The following EZH2 variants were observed in gnomAD, a reference collection of about 807,000 sequenced individuals.
EZH2 encodes the protein enhancer of zeste 2 polycomb repressive complex 2 subunit.
A neutral mutation model predicts 98.4 loss-of-function variants in EZH2; 18 were observed. The observed-to-expected ratio is 0.18, with a 90% CI of 0.13 to 0.27. EZH2 has a LOEUF of 0.27. Ranked by LOEUF, EZH2 falls within the 10% of genes least tolerant of loss-of-function variation. The probability of loss-of-function intolerance (pLI) is 1.00; values close to 1 mark genes in which losing one functional copy is unlikely to be tolerated. For synonymous variants in EZH2, 338 were observed against 312.3 expected (o/e 1.08, Z -0.87); for missense variants, 470 against 935.1 (o/e 0.50, Z 6.49).
At chr7:148,865,898 G>A (rs563301607) in intron 1 of EZH2, among the ~76,000 whole-genome samples, 304 of 152,216 alleles carry the variant, frequency 2.0e-3, no homozygotes, top group African/African-American at 7.1e-3. Flanking sequence ...CAATTTTTGA[G>A]TTCTGTATAT....
intron 1 of EZH2, among the ~76,000 whole-genome samples, chr7:148,880,067 TTC>T (rs1341887252): frequency 6.6e-6 from 1 of 152,236 alleles, no homozygotes; most frequent in Non-Finnish European, 1.5e-5. Flanking sequence ...TATGATCTTG[TTC>T]TGTCTTGCTA....
intron 3 of EZH2, among the ~76,000 whole-genome samples, chr7:148,840,400 T>A (rs1279436264): frequency 6.6e-6 from 1 of 151,582 alleles, no homozygotes; most frequent in Non-Finnish European, 1.5e-5. Context: ...ATGGAAAGGA[T>A]GTATATCTGG....
At chr7:148,813,703 A>T (rs1803806651) in intron 15 of EZH2, among the ~76,000 whole-genome samples, 1 of 152,020 alleles carries the variant, frequency 6.6e-6, no homozygotes, top group Non-Finnish European at 1.5e-5. Context: ...TTATTCCTAA[A>T]TCTGATACCA....
At chr7:148,838,244 T>C (rs1811423708) in intron 3 of EZH2, among the ~76,000 whole-genome samples, 1 of 152,024 alleles carries the variant, frequency 6.6e-6, no homozygotes, top group South Asian at 2.1e-4. Flanking sequence ...AATTTTTTTA[T>C]TTTTTATTGA....
chr7:148,849,393 A>C (rs954696697), intron 1 of EZH2, among the ~76,000 whole-genome samples: 1 of 152,232 alleles, frequency 6.6e-6, no homozygotes, highest in South Asian at 2.1e-4. Flanking sequence ...CAGACATTTA[A>C]TAAGAATGGA....
chr7:148,882,041 A>G (rs971911421), intron 1 of EZH2, among the ~76,000 whole-genome samples: 2 of 151,986 alleles, frequency 1.3e-5, no homozygotes, highest in African/African-American at 2.4e-5. Context: ...AAAAATCTGC[A>G]TAACTACCTT....
intron 9 of EZH2, among the ~76,000 whole-genome samples, chr7:148,819,322 CTT>C (rs1584946416): frequency 6.6e-6 from 1 of 152,134 alleles, no homozygotes; most frequent in African/African-American, 2.4e-5. Context: ...CTCTCATAGA[CTT>C]TGTGGAAGGC....
chr7:148,855,172 A>C (rs899171206), intron 1 of EZH2, among the ~76,000 whole-genome samples: 1 of 152,242 alleles, frequency 6.6e-6, no homozygotes, highest in Non-Finnish European at 1.5e-5. Flanking sequence ...TGTGTCCATA[A>C]GGATTATTGG....
At chr7:148,857,620 G>A (rs549051010) in intron 1 of EZH2, among the ~76,000 whole-genome samples, 67 of 152,106 alleles carry the variant, frequency 4.4e-4, no homozygotes, top group Middle Eastern at 3.4e-3. Context: ...GCATGATGGC[G>A]AGCACCTGTA....
chr7:148,879,252 A>C (rs940211347), intron 1 of EZH2, among the ~76,000 whole-genome samples: 1 of 146,740 alleles, frequency 6.8e-6, no homozygotes, highest in African/African-American at 2.7e-5. Flanking sequence ...AACAAAAAAC[A>C]AAAACAAAAA....
In EZH2 at chr7:148,819,705, CAAA is replaced by C. The variant is rs1805474936; in HGVS notation, c.908-21_908-19del. 17 of 1,605,196 alleles carry C rather than the reference CAAA, an allele frequency of 1.1e-5. No homozygotes were observed. The highest frequency in any genetic ancestry group is 1.3e-5 in the African/African-American group (1 of 74,732). ...ATGAAAAGCTGCAAAATAAATGAAA[CAAA>C]GAATCTAATATAACTATAAAATACT... On this transcript the variant is annotated intron_variant, in intron 8 of 19. Coordinates refer to ENST00000320356, the MANE Select transcript of EZH2 (RefSeq NM_004456.5).
intron 1 of EZH2, among the ~76,000 whole-genome samples, chr7:148,878,897 C>CA (rs1336074463): frequency 6.8e-6 from 1 of 146,486 alleles, no homozygotes; most frequent in African/African-American, 2.5e-5. Flanking sequence ...ACCCTGTCTC[C>CA]AAAAAAAAAT....
At chr7:148,831,780 T>C (rs1167958732) in intron 4 of EZH2, among the ~76,000 whole-genome samples, 1 of 152,214 alleles carries the variant, frequency 6.6e-6, no homozygotes, top group Admixed American at 6.5e-5. Context: ...AACATTTTAT[T>C]AGCCTTCCCA....
At chr7:148,831,139 A>G (rs1333158340) in intron 4 of EZH2, among the ~76,000 whole-genome samples, 1 of 152,156 alleles carries the variant, frequency 6.6e-6, no homozygotes, top group African/African-American at 2.4e-5. Context: ...GGGAATGTGG[A>G]AAAAATCTCA....
At chr7:148,812,022 T>A (rs1357190090) in intron 15 of EZH2, among the ~76,000 whole-genome samples, 1 of 152,218 alleles carries the variant, frequency 6.6e-6, no homozygotes. Context: ...ACTTTTGGCT[T>A]CCCTGTATCT....
chr7:148,848,714 A>G (rs1198772810), intron 1 of EZH2, among the ~76,000 whole-genome samples: 1 of 152,220 alleles, frequency 6.6e-6, no homozygotes, highest in Non-Finnish European at 1.5e-5. Context: ...AAATGAATAT[A>G]CAAATATTAT....
At chr7:148,874,832 G>C (rs568040824) in intron 1 of EZH2, among the ~76,000 whole-genome samples, 1 of 151,500 alleles carries the variant, frequency 6.6e-6, no homozygotes, top group African/African-American at 2.4e-5. Context: ...AGGAGGCAGA[G>C]CTTGCAGTGA....
rs139489208 is a variant in EZH2 at position 148,864,945 on chromosome 7, G to A, written c.-7-17640C>T. Among the ~76,000 whole-genome samples, 311 of 152,064 alleles carry A rather than the reference G, an allele frequency of 2.0e-3. 2 individuals are homozygous for A. The highest frequency in any genetic ancestry group is 7.1e-3 in the African/African-American group (295 of 41,480). The stretch of plus-strand genomic sequence containing the variant: ...AGTTGGAGATCAGCCTGGCCAACAC[G>A]GTAAAACCCCATCTCTACTAAAAAT... On this transcript the variant is annotated intron_variant, in intron 1 of 19. Coordinates refer to ENST00000320356, the MANE Select transcript of EZH2 (RefSeq NM_004456.5).
intron 3 of EZH2, among the ~76,000 whole-genome samples, chr7:148,840,657 C>T (rs1463024646): frequency 6.6e-6 from 1 of 152,104 alleles, no homozygotes; most frequent in Non-Finnish European, 1.5e-5. Flanking sequence ...ATAAAACTGC[C>T]TTGTTGGGTA....
Sources: allele counts gnomAD v4.1 joint callset (sites outside exome capture counted in the v4.1 genomes callset), GRCh38; gene constraint gnomAD v4.1.1; transcripts MANE v1.5; gene names NCBI Gene and HGNC (gene_info 2026-07-23, HGNC 2026-07-21).